The following CAP2 variants were observed in gnomAD, a reference collection of about 807,000 sequenced individuals.
CAP2 encodes the protein adenylyl cyclase-associated protein 2.
A neutral mutation model predicts 57.7 loss-of-function variants in CAP2; 24 were observed. That is an observed-to-expected ratio of 0.42 (90% CI 0.30 to 0.58). CAP2 has a LOEUF of 0.58. Among genes scored for constraint, CAP2 ranks in the 20% least tolerant of loss-of-function variants. The pLI, the probability that CAP2 is intolerant of heterozygous loss-of-function variation, is 0.22. For synonymous variants in CAP2, 194 were observed against 207.2 expected (o/e 0.94, Z 0.55); for missense variants, 501 against 590.3 (o/e 0.85, Z 1.57).
chr6:17,517,703 C>T (rs1347910706), intron 7 of CAP2, among the ~76,000 whole-genome samples: 1 of 152,018 alleles, frequency 6.6e-6, no homozygotes, highest in Admixed American at 6.6e-5. Flanking sequence ...GAGTTTGAGA[C>T]CAGCCTGGCC....
At chr6:17,429,840 A>G (rs911808622) in intron 3 of CAP2, among the ~76,000 whole-genome samples, 7 of 152,330 alleles carry the variant, frequency 4.6e-5, no homozygotes, top group Non-Finnish European at 5.9e-5. Flanking sequence ...CATGACGTTA[A>G]TACTTTGAAC....
At chr6:17,453,919 T>C (rs867689816) in intron 3 of CAP2, among the ~76,000 whole-genome samples, 13 of 124,956 alleles carry the variant, frequency 1.0e-4, no homozygotes, top group African/African-American at 2.8e-4. Context: ...TTTTTTTTTT[T>C]CCTTGCCCAG....
At chr6:17,448,029 G>A (rs1175330903) in intron 3 of CAP2, among the ~76,000 whole-genome samples, 1 of 152,194 alleles carries the variant, frequency 6.6e-6, no homozygotes, top group African/African-American at 2.4e-5. Flanking sequence ...CTTCTATATA[G>A]GCACCTACTG....
chr6:17,438,131 G>A (rs1759951775), intron 3 of CAP2, among the ~76,000 whole-genome samples: 1 of 146,928 alleles, frequency 6.8e-6, no homozygotes, highest in East Asian at 2.1e-4. Flanking sequence ...GCTTTGGGAG[G>A]CCAAGGTGGG....
intron 7 of CAP2, among the ~76,000 whole-genome samples, chr6:17,526,976 A>AAAG (rs1561816425): frequency 2.0e-5 from 3 of 151,290 alleles, no homozygotes; most frequent in Non-Finnish European, 3.0e-5. Context: ...AAAAAAAAAA[A>AAAG]AAGAACACAT....
chr6:17,455,197 A>G (rs1392694359), intron 3 of CAP2, among the ~76,000 whole-genome samples: 3 of 152,162 alleles, frequency 2.0e-5, no homozygotes, highest in Non-Finnish European at 4.4e-5. Flanking sequence ...TAAGCTTATA[A>G]GGAGACTCAA....
At chr6:17,529,270 G>A (rs1166470509) in intron 7 of CAP2, among the ~76,000 whole-genome samples, 2 of 152,142 alleles carry the variant, frequency 1.3e-5, no homozygotes, top group African/African-American at 4.8e-5. Context: ...AATTTGGAAA[G>A]GTGTCAGTTT....
chr6:17,553,632 CA>C (rs1190269006), intron 12 of CAP2, among the ~76,000 whole-genome samples: 358 of 103,948 alleles, frequency 3.4e-3, no homozygotes, highest in African/African-American at 6.8e-3. Flanking sequence ...GACTCCATCT[CA>C]AAAAAAAAAA....
rs138820696 is a variant in CAP2, at chr6:17,405,894, C to T, written c.-2+12148C>T. ...TAGCTGGGACTATAGGCTCAGGCCA[C>T]CACACTCAGCTAATTTTTAAGTTTT... On this transcript the variant is annotated intron_variant, in intron 1 of 12. Coordinates refer to ENST00000229922, the MANE Select transcript of CAP2 (RefSeq NM_006366.3). Among the ~76,000 whole-genome samples, 811 of 152,134 alleles carry T rather than the reference C, an allele frequency of 5.3e-3. 7 individuals are homozygous for T. Among genetic ancestry groups the T allele is most frequent in the African/African-American group, 0.019 (775 of 41,508 alleles).
chr6:17,549,800 C>A (rs545029893), intron 11 of CAP2, among the ~76,000 whole-genome samples: 1 of 152,300 alleles, frequency 6.6e-6, no homozygotes, highest in Admixed American at 6.5e-5. Context: ...AACCCTGATA[C>A]ATCAGTGTTG....
In CAP2 at chr6:17,430,820, A is replaced by G. The variant is rs973148955; in HGVS notation, c.222+4130A>G. ...CCAAAGTGCTGGGATTATAGGCGTGAGCCACTGCACCCGGCCATTAGGGGT... is the reference window on the plus strand; with the variant it reads ...CCAAAGTGCTGGGATTATAGGCGTGGGCCACTGCACCCGGCCATTAGGGGT... On this transcript the variant is annotated intron_variant, in intron 3 of 12. Transcript: ENST00000229922. Among the ~76,000 whole-genome samples, 32 of 152,212 alleles carry G rather than the reference A, an allele frequency of 2.1e-4. 1 individual carries two copies. Among genetic ancestry groups the G allele is most frequent in the African/African-American group, 7.7e-4 (32 of 41,442 alleles).
chr6:17,468,514 T>C (rs1760932196), intron 4 of CAP2, among the ~76,000 whole-genome samples: 1 of 152,234 alleles, frequency 6.6e-6, no homozygotes, highest in African/African-American at 2.4e-5. Flanking sequence ...CACCTTGCAG[T>C]TCAGAAGCAC....
At chr6:17,418,349 CTT>C (rs938752221) in intron 1 of CAP2, among the ~76,000 whole-genome samples, 7 of 152,282 alleles carry the variant, frequency 4.6e-5, no homozygotes, top group African/African-American at 1.4e-4. Context: ...TTTTGACCGC[CTT>C]AGGGGCTGTG....
intron 2 of CAP2, among the ~76,000 whole-genome samples, chr6:17,424,310 A>G (rs879794316): frequency 1.4e-4 from 22 of 152,086 alleles, no homozygotes; most frequent in African/African-American, 4.6e-4. Flanking sequence ...TGAGGCAGGA[A>G]AATGGCGTGA....
chr6:17,526,995 C>T (rs1762528652), intron 7 of CAP2, among the ~76,000 whole-genome samples: 1 of 150,610 alleles, frequency 6.6e-6, no homozygotes, highest in Non-Finnish European at 1.5e-5. Flanking sequence ...ATAGGCAAGC[C>T]CTGGCCACGG....
chr6:17,426,076 CAGTG>C (rs1396358427), intron 2 of CAP2, among the ~76,000 whole-genome samples: 1 of 151,870 alleles, frequency 6.6e-6, no homozygotes, highest in Non-Finnish European at 1.5e-5. Context: ...GCCTGGGTGA[CAGTG>C]AGACCCTGTC....
intron 4 of CAP2, among the ~76,000 whole-genome samples, chr6:17,465,790 T>G (rs1760849310): frequency 6.6e-6 from 1 of 152,160 alleles, no homozygotes; most frequent in Non-Finnish European, 1.5e-5. Context: ...TTATATAGCA[T>G]TTTCATGTAA....
Position 17,435,702 on chromosome 6 carries a change from A to AG in CAP2, c.222+9012_222+9013insG, listed in dbSNP as rs1470399015. Among the ~76,000 whole-genome samples, 6 of 139,398 alleles carry AG rather than the reference A, an allele frequency of 4.3e-5. 1 individual carries two copies. The highest frequency in any genetic ancestry group is 2.0e-4 in the East Asian group (1 of 4,964). 91.5% of individuals were successfully genotyped at this position (139,398 alleles called of 152,430 possible). A position where few individuals can be genotyped will look rare whatever the true frequency, so the allele number is the denominator to read the frequency against. On this transcript the variant is annotated intron_variant, in intron 3 of 12. Transcript: ENST00000229922. ...ATAATAAAAAAAAAAAAAAAAAAAAAAAGAAGTTTACGGATAAAAAAAAAA... is the reference window on the plus strand; with the variant it reads ...ATAATAAAAAAAAAAAAAAAAAAAAAGAAGAAGTTTACGGATAAAAAAAAAA...
At chr6:17,398,083 A>C (rs1157486363) in intron 1 of CAP2, among the ~76,000 whole-genome samples, 2 of 152,214 alleles carry the variant, frequency 1.3e-5, no homozygotes, top group Non-Finnish European at 2.9e-5. Context: ...CCAACGTTTT[A>C]AGAAGTGTGG....
Sources: gnomAD v4.1 joint callset for allele counts (sites outside exome capture counted in the v4.1 genomes callset) on GRCh38, gnomAD v4.1.1 for gene constraint, MANE v1.5 for transcripts, NCBI Gene and HGNC (gene_info 2026-07-23, HGNC 2026-07-21) for gene names.